FAT3: variants seen among roughly 807,000 people sequenced by gnomAD.
FAT3 encodes protocadherin Fat 3.
In FAT3, 95 loss-of-function variants were observed where a neutral mutation model predicts 310.2. The observed-to-expected ratio is 0.31, with a 90% CI of 0.26 to 0.36. The LOEUF is 0.36. FAT3 is among the 10% of genes least tolerant of loss of function. FAT3 has a pLI of 1.00. For synonymous variants in FAT3, 2,314 were observed against 2,192.9 expected (o/e 1.06, Z -1.54); for missense variants, 5,408 against 5,715.6 (o/e 0.95, Z 1.74).
At chr11:92,574,737 A>G (rs1938379390) in intron 3 of FAT3, among the ~76,000 whole-genome samples, 1 of 152,138 alleles carries the variant, frequency 6.6e-6, no homozygotes, top group African/African-American at 2.4e-5. Context: ...TGGACTATGT[A>G]TTGATTGCTA....
intron 1 of FAT3, among the ~76,000 whole-genome samples, chr11:92,334,056 G>C (rs920345813): frequency 7.2e-5 from 11 of 152,184 alleles, no homozygotes; most frequent in Admixed American, 2.0e-4. Flanking sequence ...CATTTAAAGT[G>C]AGATCATGAA....
chr11:92,828,270 G>T, intron 13 of FAT3, among the ~76,000 whole-genome samples: 1 of 152,074 alleles, frequency 6.6e-6, no homozygotes, highest in South Asian at 2.1e-4. Context: ...ACATGGCAAA[G>T]ACCCAAATGC....
intron 3 of FAT3, among the ~76,000 whole-genome samples, chr11:92,562,968 G>A (rs1955287756): frequency 6.6e-6 from 1 of 152,090 alleles, no homozygotes; most frequent in South Asian, 2.1e-4. Flanking sequence ...AGCTATCTGG[G>A]CACCCTTTAG....
rs571475313 is a variant in FAT3, at chr11:92,679,684, T to C, written c.3608-17700T>C. Among the ~76,000 whole-genome samples the C allele has an allele frequency of 2.0e-5, 3 of 151,530 alleles. No homozygotes were observed. In the South Asian group the frequency reaches 6.3e-4, roughly 32 times the overall value. On this transcript the variant is annotated intron_variant, in intron 3 of 27. Coordinates refer to ENST00000525166, the MANE Select transcript of FAT3 (RefSeq NM_001367949.2). ...GGTGAAACCCCATCTCTACTAAAAA[T>C]ACAAAAAATTAGCCAGGCGTGGTGG...
In FAT3 at chr11:92,893,378, T is replaced by C. The variant is rs536154882; in HGVS notation, c.*2265T>C. 6.6e-6 allele frequency: 1 copy of C among 152,314 alleles called. No homozygotes were observed. The highest frequency in any genetic ancestry group is 6.5e-5 in the Admixed American group (1 of 15,294). 9.4% of individuals were successfully genotyped at this position (152,314 alleles called of 1,614,324 possible). On this transcript the variant is annotated 3_prime_UTR_variant, in exon 28 of 28. Coordinates refer to ENST00000525166, the MANE Select transcript of FAT3 (RefSeq NM_001367949.2). ...GTAAGAAGCACATTTGCAAGAATCA[T>C]GGAAAAAAATGACAAACTAATGGCC...
At chr11:92,452,555 G>A (rs537722328) in intron 2 of FAT3, among the ~76,000 whole-genome samples, 25 of 152,168 alleles carry the variant, frequency 1.6e-4, no homozygotes, top group African/African-American at 3.6e-4. Flanking sequence ...TTTCTGAAGC[G>A]CATAGAAAGG....
At chr11:92,672,256 C>T (rs1943153420) in intron 3 of FAT3, among the ~76,000 whole-genome samples, 2 of 152,188 alleles carry the variant, frequency 1.3e-5, no homozygotes, top group South Asian at 4.1e-4. Context: ...TCACATTTCA[C>T]AGGACTTGGT....
chr11:92,842,069 A>G (rs1451694992), intron 18 of FAT3, among the ~76,000 whole-genome samples: 1 of 152,176 alleles, frequency 6.6e-6, no homozygotes, highest in Non-Finnish European at 1.5e-5. Context: ...TCATTCAGGT[A>G]TGCTCCGTGA....
At chr11:92,729,157 C>A (rs190691670) in intron 4 of FAT3, among the ~76,000 whole-genome samples, 53 of 152,188 alleles carry the variant, frequency 3.5e-4, no homozygotes, top group African/African-American at 1.2e-3. Context: ...TTTCCCGACT[C>A]TGCTACTGGT....
chr11:92,768,897 A>T (rs1416285083), intron 6 of FAT3, among the ~76,000 whole-genome samples: 1 of 152,222 alleles, frequency 6.6e-6, no homozygotes, highest in Non-Finnish European at 1.5e-5. Context: ...TGAGTTACAG[A>T]GAAGACATCA....
At chr11:92,863,068 G>A (rs1240724664) in intron 21 of FAT3, among the ~76,000 whole-genome samples, 2 of 152,096 alleles carry the variant, frequency 1.3e-5, no homozygotes, top group African/African-American at 4.8e-5. Flanking sequence ...TATACCAAAT[G>A]GCTATTAATG....
chr11:92,620,718 T>C (rs1807802925), intron 3 of FAT3, among the ~76,000 whole-genome samples: 1 of 152,224 alleles, frequency 6.6e-6, no homozygotes, highest in South Asian at 2.1e-4. Context: ...CTCTTTTATT[T>C]GATTTTTTTA....
rs369549994 is a variant in FAT3 at position 92,428,954 on chromosome 11, G to A, written c.3292+73550G>A. Among the ~76,000 whole-genome samples the A allele has an allele frequency of 9.2e-5, 14 of 152,138 alleles. No homozygotes were observed. The East Asian group carries it at 1.3e-3, about 15-fold the overall frequency. On this transcript the variant is annotated intron_variant, in intron 2 of 27. Coordinates refer to ENST00000525166, the MANE Select transcript of FAT3 (RefSeq NM_001367949.2). The stretch of plus-strand genomic sequence containing the variant: ...ATCCTTGTTAATTTTCTGTCTTGTT[G>A]ATCTGTCTAATAATGACAGTGGGGT...
At chr11:92,861,262 G>A (rs993468826) in intron 21 of FAT3, among the ~76,000 whole-genome samples, 1 of 152,190 alleles carries the variant, frequency 6.6e-6, no homozygotes, top group Non-Finnish European at 1.5e-5. Flanking sequence ...AACAGGGCTG[G>A]TGGTTGAAAA....
intron 1 of FAT3, among the ~76,000 whole-genome samples, chr11:92,310,078 A>AT (rs1947259107): frequency 6.6e-6 from 1 of 152,080 alleles, no homozygotes; most frequent in Admixed American, 6.5e-5. Context: ...CCTTTGATTC[A>AT]TGATGTTTAT....
At position 92,524,648 on chromosome 11, in the gene FAT3, G is replaced by A. The variant is rs774983511; in HGVS notation, c.3307G>A (p.Ala1103Thr). ...IDDESGVITA[A>T]DILDRETMGS... ...TTTTGTCTCAGGGGTCATCACTGCC[G>A]CAGACATTCTTGATCGGGAGACAAT... The change falls in exon 3 of 28, where the codon GCA becomes ACA. Residue 1103 changes from alanine to threonine, a missense_variant. By Grantham distance (58) the Ala-to-Thr change is moderately conservative. Around this residue, in one of 5 missense-constraint regions of FAT3, gnomAD observed 4,588 missense variants for 4,809.8 expected, o/e 0.95. Coordinates refer to ENST00000525166, the MANE Select transcript of FAT3 (RefSeq NM_001367949.2). 4.2e-5 allele frequency: 67 copies of A among 1,612,630 alleles called. No individual in the cohort carries two copies. Among genetic ancestry groups the A allele is most frequent in the East Asian group, 1.6e-4 (7 of 44,848 alleles).
At chr11:92,563,663 A>G (rs984392424) in intron 3 of FAT3, among the ~76,000 whole-genome samples, 6 of 152,290 alleles carry the variant, frequency 3.9e-5, no homozygotes, top group Middle Eastern at 6.8e-3. Context: ...CTCAAAGGGA[A>G]GCCCATCAGA....
At chr11:92,719,271 A>G (rs868002708) in intron 4 of FAT3, among the ~76,000 whole-genome samples, 2 of 152,162 alleles carry the variant, frequency 1.3e-5, no homozygotes, top group African/African-American at 4.8e-5. Context: ...AACTTATAGA[A>G]GGAAACTGTT....
chr11:92,629,352 T>A (rs185562278), intron 3 of FAT3, among the ~76,000 whole-genome samples: 7 of 152,124 alleles, frequency 4.6e-5, no homozygotes, highest in Admixed American at 2.6e-4. Flanking sequence ...GCAGTGGATA[T>A]CTCTGCCTGG....
Sources: gnomAD v4.1 joint callset for allele counts (sites outside exome capture counted in the v4.1 genomes callset) on GRCh38, gnomAD v4.1.1 for gene constraint, gnomAD v4.1.1 regional missense constraint, MANE v1.5 for transcripts, NCBI Gene and HGNC (gene_info 2026-07-23, HGNC 2026-07-21) for gene names.